The following L3MBTL2 variants were observed in gnomAD, a reference collection of about 807,000 sequenced individuals.
L3MBTL2 encodes L3MBTL histone methyl-lysine binding protein 2.
A neutral mutation model predicts 86.4 loss-of-function variants in L3MBTL2; 49 were observed. The ratio of observed to expected loss-of-function variants is 0.57; its 90% CI spans 0.45 to 0.72. The LOEUF (loss-of-function observed/expected upper bound fraction) is 0.72. Ranked by LOEUF, L3MBTL2 falls within the 30% of genes least tolerant of loss-of-function variation. The pLI, the probability that L3MBTL2 is intolerant of heterozygous loss-of-function variation, is 0.00. For synonymous variants in L3MBTL2, 336 were observed against 350.6 expected (o/e 0.96, Z 0.47); for missense variants, 755 against 923.7 (o/e 0.82, Z 2.37).
intron 8 of L3MBTL2, among the ~76,000 whole-genome samples, chr22:41,222,103 A>C (rs958918295): frequency 2.0e-4 from 29 of 146,924 alleles, no homozygotes; most frequent in African/African-American, 7.1e-4. Context: ...GGGTTTCACC[A>C]TATTGGCCAG....
intron 1 of L3MBTL2, among the ~76,000 whole-genome samples, chr22:41,206,468 GTC>G (rs2030219246): frequency 2.0e-5 from 3 of 151,952 alleles, no homozygotes; most frequent in Admixed American, 6.6e-5. Context: ...ACTATAGGTG[GTC>G]TCTGTCACCC....
chr22:41,220,812 A>C lies in L3MBTL2; in HGVS notation c.797A>C (p.Asp266Ala). ...HDFWCNLGTVDVHPIGWCAIN... is the reference protein window; with the variant it reads ...HDFWCNLGTVAVHPIGWCAIN... ...TTCTGGTGCAACCTGGGAACAGTGG[A>C]TGTCCACCCCATTGGCTGGTGTGCC... is the stretch of plus-strand genomic sequence containing the variant. Residue 266 changes from aspartate to alanine, a missense_variant, in exon 7 of 17, where the codon GAT (aspartate) becomes GCT (alanine). By Grantham distance (126) the Asp-to-Ala change is moderately radical. Around this residue, in one of 3 missense-constraint regions of L3MBTL2, gnomAD observed 634 missense variants for 748.9 expected, o/e 0.85. Coordinates refer to ENST00000216237, the MANE Select transcript of L3MBTL2 (RefSeq NM_031488.5). The C allele has an allele frequency of 1.2e-6, 2 of 1,614,074 alleles. No homozygotes were observed. Among genetic ancestry groups the C allele is most frequent in the Non-Finnish European group, 1.7e-6 (2 of 1,179,994 alleles).
intron 8 of L3MBTL2, among the ~76,000 whole-genome samples, chr22:41,223,497 A>G (rs1274582113): frequency 6.6e-6 from 1 of 151,788 alleles, no homozygotes; most frequent in African/African-American, 2.4e-5. Context: ...CATCAGGGTC[A>G]GAAAGGGACA....
chr22:41,225,867 A>G lies in L3MBTL2; in HGVS notation c.1430A>G (p.Tyr477Cys), dbSNP rs201008262. ...PSTDGLDWFC[Y>C]HASSHAIFPA... Reference sequence around the variant, plus strand: ...ACAGATGGCTTGGACTGGTTCTGCTACCATGCCTCTTCCCACGCCATCTTC... The same window carrying G: ...ACAGATGGCTTGGACTGGTTCTGCTGCCATGCCTCTTCCCACGCCATCTTC... Residue 477 changes from tyrosine to cysteine, a missense_variant, in exon 12 of 17, where the codon TAC becomes TGC. Coordinates refer to ENST00000216237, the MANE Select transcript of L3MBTL2 (RefSeq NM_031488.5). This position sits in a 1 kb window ranked among gnomAD's most constrained non-coding sequence, Gnocchi z 4.1. 1 of 1,614,112 alleles carries G rather than the reference A, an allele frequency of 6.2e-7. No individual in the cohort carries two copies.
intron 1 of L3MBTL2, among the ~76,000 whole-genome samples, chr22:41,207,072 A>G (rs1717271929): frequency 6.6e-6 from 1 of 152,254 alleles, no homozygotes; most frequent in South Asian, 2.1e-4. Flanking sequence ...AATACGCACA[A>G]AATCACACAG....
At position 41,219,409 on chromosome 22, in the gene L3MBTL2, C is replaced by T. The variant is rs748788778; in HGVS notation, c.601-10C>T. 30 of 1,596,344 alleles carry T rather than the reference C, an allele frequency of 1.9e-5. No homozygotes were observed. In the Middle Eastern group the frequency reaches 1.0e-3, roughly 53 times the overall value. On this transcript the variant is annotated splice_polypyrimidine_tract_variant and intron_variant, in intron 5 of 16. Coordinates refer to ENST00000216237, the MANE Select transcript of L3MBTL2 (RefSeq NM_031488.5). ...GCTCACTCTCTCGGTACACTCTCATCGCCACACAGGTCCCACTCTATGACC... is the reference window on the plus strand; with the variant it reads ...GCTCACTCTCTCGGTACACTCTCATTGCCACACAGGTCCCACTCTATGACC...
In L3MBTL2 at chr22:41,229,648, CT is replaced by C; in HGVS notation, c.1998del (p.Gly667AlafsTer8). On this transcript the variant is annotated frameshift_variant, in exon 16 of 17. Coordinates refer to ENST00000216237, the MANE Select transcript of L3MBTL2 (RefSeq NM_031488.5). LOFTEE classifies it low-confidence loss of function (END_TRUNC). ...AGGAAGATCTCGTCGGAGCCTGTTCCTGGCGAGAGTAAGAGCCACCGGGCTG... is the reference window on the plus strand; with the variant it reads ...AGGAAGATCTCGTCGGAGCCTGTTCCGGCGAGAGTAAGAGCCACCGGGCTG... Reference protein sequence around the residue: ...GARKISSEPVPGEIIAVRVKE... With the variant: ...GARKISSEPVXGEIIAVRVKE... 1.2e-6 allele frequency: 2 copies of C among 1,613,552 alleles called. No homozygotes were observed. The highest frequency in any genetic ancestry group is 1.7e-6 in the Non-Finnish European group (2 of 1,180,020).
In L3MBTL2 at chr22:41,220,753, G is replaced by C. The variant is rs144755944; in HGVS notation, c.738G>C (p.Arg246=). 3.4e-5 allele frequency: 55 copies of C among 1,613,436 alleles called. No homozygotes were observed. The African/African-American group carries it at 6.9e-4, about 20-fold the overall frequency. The change falls in exon 7 of 17, where the codon CGG becomes CGC. Residue 246 remains arginine, a synonymous_variant. Coordinates refer to ENST00000216237, the MANE Select transcript of L3MBTL2 (RefSeq NM_031488.5). ...IQTAGYRVLL[R]YEGFENDASH... is the part of the protein sequence containing the mutation. ...TTTCAGGGTATCGGGTGCTGCTTCGGTATGAAGGCTTTGAAAATGACGCCA... is the reference window on the plus strand; with the variant it reads ...TTTCAGGGTATCGGGTGCTGCTTCGCTATGAAGGCTTTGAAAATGACGCCA...
chr22:41,222,022 C>G (rs1315191004), intron 8 of L3MBTL2, among the ~76,000 whole-genome samples: 1 of 152,140 alleles, frequency 6.6e-6, no homozygotes, highest in Admixed American at 6.6e-5. Context: ...CCTCAGCCTC[C>G]CGAGTAGTTG....
In L3MBTL2 at chr22:41,227,427, G is replaced by T; in HGVS notation, c.1822+104G>T. Reference sequence around the variant, plus strand: ...TCTCCGTTCTTTGGCATGAGGTGGAGATGTCTCATGGACCACTTTAAGTAG... The same window carrying T: ...TCTCCGTTCTTTGGCATGAGGTGGATATGTCTCATGGACCACTTTAAGTAG... On this transcript the variant is annotated intron_variant, in intron 14 of 16. Transcript: ENST00000216237. This position sits in a 1 kb window ranked among gnomAD's most constrained non-coding sequence, Gnocchi z 6.0. 8.0e-7 allele frequency: 1 copy of T among 1,254,328 alleles called. No individual in the cohort carries two copies. The highest frequency in any genetic ancestry group is 1.5e-5 in the African/African-American group (1 of 67,132). 77.7% of individuals were successfully genotyped at this position (1,254,328 alleles called of 1,614,324 possible). A position where few individuals can be genotyped will look rare whatever the true frequency, so the allele number is the denominator to read the frequency against.
At chr22:41,228,150 C>G in intron 15 of L3MBTL2, 1 of 985,460 alleles carries the variant, frequency 1.0e-6, no homozygotes, top group Non-Finnish European at 1.2e-6. Flanking sequence ...GTTGGGGGAT[C>G]CCATCCCTGA....
chr22:41,220,760 G>A lies in L3MBTL2; in HGVS notation c.745G>A (p.Gly249Ser). ...AGYRVLLRYE[G>S]FENDASHDFW... ...GTATCGGGTGCTGCTTCGGTATGAA[G>A]GCTTTGAAAATGACGCCAGCCATGA... The change falls in exon 7 of 17, where the codon GGC (glycine) becomes AGC (serine). Residue 249 changes from glycine to serine, a missense_variant. Coordinates refer to ENST00000216237, the MANE Select transcript of L3MBTL2 (RefSeq NM_031488.5). 1 of 1,613,792 alleles carries A rather than the reference G, an allele frequency of 6.2e-7. No homozygotes were observed. Among genetic ancestry groups the A allele is most frequent in the South Asian group, 1.1e-5 (1 of 91,060 alleles).
At chr22:41,222,943 A>G (rs2031928054) in intron 8 of L3MBTL2, among the ~76,000 whole-genome samples, 1 of 152,070 alleles carries the variant, frequency 6.6e-6, no homozygotes, top group African/African-American at 2.4e-5. Context: ...AACAAAAACT[A>G]ACAAAAATGG....
rs766957475 is a variant in L3MBTL2, at chr22:41,225,757, T to C, written c.1357-37T>C. ...CCAACCCAGGATGGGGTGCAGTTCA[T>C]GATATGATCTGTCTGCCTGCTCCCC... On this transcript the variant is annotated intron_variant, in intron 11 of 16. Transcript: ENST00000216237. This position sits in a 1 kb window ranked among gnomAD's most constrained non-coding sequence, Gnocchi z 4.1. 1.3e-6 allele frequency: 2 copies of C among 1,590,214 alleles called. No individual in the cohort carries two copies. Among genetic ancestry groups the C allele is most frequent in the East Asian group, 4.5e-5 (2 of 44,244 alleles).
At chr22:41,229,188 T>G (rs2032407793) in intron 15 of L3MBTL2, among the ~76,000 whole-genome samples, 1 of 151,922 alleles carries the variant, frequency 6.6e-6, no homozygotes, top group Non-Finnish European at 1.5e-5. Context: ...GCCTGGGAGG[T>G]CAAGGCTGCA....
chr22:41,205,454 T>C, intron 1 of L3MBTL2, 68 bp downstream of exon 1: 1 of 1,570,300 alleles, frequency 6.4e-7, no homozygotes. Context: ...TGGGCCCTTC[T>C]TTAGGGCTTT....
At chr22:41,216,412 C>A in intron 4 of L3MBTL2, 150 bp downstream of exon 4, 1 of 894,500 alleles carries the variant, frequency 1.1e-6, no homozygotes, top group Non-Finnish European at 1.6e-6. Flanking sequence ...ATCTTCCTCA[C>A]CTGTTGGGTA....
At chr22:41,221,073 G>A in intron 7 of L3MBTL2, 126 bp from the exon 8 acceptor site, 1 of 960,108 alleles carries the variant, frequency 1.0e-6, no homozygotes, top group Non-Finnish European at 1.5e-6. Context: ...AGTCATTGCT[G>A]GCCTGAAGAG....
In L3MBTL2 at chr22:41,227,099, A is replaced by C; in HGVS notation, c.1598A>C (p.Asn533Thr). ...PSRLFNMDCP[N>T]HGFKVGMKLE... ...CTTTTTCTGCCCCAGGATTGCCCAA[A>C]CCATGGCTTCAAGGTGGGCATGAAG... is the stretch of plus-strand genomic sequence containing the variant. Residue 533 changes from asparagine (N) to threonine (T), a missense_variant, in exon 14 of 17, where the codon AAC becomes ACC. Physicochemically the swap from Asn to Thr is moderately conservative, Grantham distance 65. This residue lies in a region of L3MBTL2 where 634 missense variants were observed against 748.9 expected (regional missense o/e 0.85). Transcript: ENST00000216237. This position sits in a 1 kb window ranked among gnomAD's most constrained non-coding sequence, Gnocchi z 6.0. 1 of 1,612,246 alleles carries C rather than the reference A, an allele frequency of 6.2e-7. No individual in the cohort carries two copies. The highest frequency in any genetic ancestry group is 8.5e-7 in the Non-Finnish European group (1 of 1,179,476).
Sources: allele counts gnomAD v4.1 joint callset (sites outside exome capture counted in the v4.1 genomes callset), GRCh38; gene constraint gnomAD v4.1.1; regional missense constraint gnomAD v4.1.1; non-coding constraint Gnocchi (gnomAD v3.1); transcripts MANE v1.5; gene names NCBI Gene and HGNC (gene_info 2026-07-23, HGNC 2026-07-21).